The following ZNF676 variants were observed in gnomAD, a reference collection of about 807,000 sequenced individuals.
ZNF676 encodes the protein zinc finger protein 676.
In ZNF676, 4 loss-of-function variants were observed where a neutral mutation model predicts 6.0. The observed-to-expected ratio is 0.67, with a 90% CI of 0.33 to 1.53. The LOEUF is 1.53. Ranked by LOEUF, ZNF676 falls within the 40% of genes most tolerant of loss-of-function variation. The probability of loss-of-function intolerance (pLI) is 0.06; values close to 1 mark genes in which losing one functional copy is unlikely to be tolerated. For synonymous variants in ZNF676, 198 were observed against 223.1 expected (o/e 0.89, Z 1.00); for missense variants, 644 against 679.7 (o/e 0.95, Z 0.58).
chr19:22,218,455 C>G (rs2144848737), upstream of ZNF676, among the ~76,000 whole-genome samples: 1 of 152,100 alleles, frequency 6.6e-6, no homozygotes, highest in Middle Eastern at 3.4e-3. Flanking sequence ...GCCTCAGCCT[C>G]CCAAGTAGCT....
Position 22,181,504 on chromosome 19 carries a change from A to G in ZNF676, c.213T>C (p.Tyr71=). ...DSFQKMILRR[Y]DKCGHENLHL... ...GTAAATTCTCATGTCCACATTTGTC[A>G]TATCTTCTCAATATCATTTTTTGGA... is the stretch of plus-strand genomic sequence containing the variant. Residue 71 remains tyrosine, a synonymous_variant, in exon 3 of 3, where the codon TAT becomes TAC. Transcript: ENST00000397121. 1.9e-6 allele frequency: 3 copies of G among 1,613,118 alleles called. No individual in the cohort carries two copies. Among genetic ancestry groups the G allele is most frequent in the Admixed American group, 1.7e-5 (1 of 59,864 alleles).
intron 1 of ZNF676, among the ~76,000 whole-genome samples, chr19:22,208,209 T>C (rs1213932031): frequency 6.7e-6 from 1 of 150,186 alleles, no homozygotes; most frequent in Non-Finnish European, 1.5e-5. Flanking sequence ...CTGACAAAGG[T>C]TTACTATCCA....
upstream of ZNF676, among the ~76,000 whole-genome samples, chr19:22,201,484 G>A (rs1050016577): frequency 1.3e-5 from 2 of 152,114 alleles, no homozygotes; most frequent in African/African-American, 4.8e-5. Context: ...AATTCTAGGT[G>A]AAATCAACCT....
intron 2 of ZNF676, among the ~76,000 whole-genome samples, chr19:22,190,647 A>ATACATAGAATTCTATG (rs2023892203): frequency 2.8e-5 from 3 of 107,154 alleles, no homozygotes; most frequent in East Asian, 3.0e-4. Flanking sequence ...ATATATATAT[A>ATACATAGAATTCTATG]TATATATATA....
At chr19:22,208,666 T>C (rs1337993033) in intron 1 of ZNF676, among the ~76,000 whole-genome samples, 1 of 152,158 alleles carries the variant, frequency 6.6e-6, no homozygotes, top group Non-Finnish European at 1.5e-5. Context: ...TACGGTATGG[T>C]TGGGCATGAT....
chr19:22,214,075 T>TA (rs2024159272), intron 1 of ZNF676, among the ~76,000 whole-genome samples: 1 of 152,076 alleles, frequency 6.6e-6, no homozygotes, highest in African/African-American at 2.4e-5. Flanking sequence ...AAAGGACAAA[T>TA]AGTTGATCAT....
At chr19:22,220,128 T>A (rs2024232668), upstream of ZNF676, among the ~76,000 whole-genome samples, 1 of 152,236 alleles carries the variant, frequency 6.6e-6, no homozygotes, top group Non-Finnish European at 1.5e-5. Context: ...ATGTATTGAC[T>A]TACCTATGTT....
the ZNF676 span, among the ~76,000 whole-genome samples, chr19:22,226,252 T>C: frequency 6.6e-6 from 1 of 152,170 alleles, no homozygotes; most frequent in Non-Finnish European, 1.5e-5. Flanking sequence ...GGCTCTCTAT[T>C]CTGATTTATC....
chr19:22,181,766 T>C (rs534075995), intron 2 of ZNF676, among the ~76,000 whole-genome samples, 180 bp from the exon 3 acceptor site: 3 of 152,214 alleles, frequency 2.0e-5, no homozygotes, highest in South Asian at 4.1e-4. Flanking sequence ...AAAATACATA[T>C]GTGAATAATT....
At chr19:22,203,055 G>C (rs2024041586) in intron 1 of ZNF676, 3 of 152,192 alleles carry the variant, frequency 2.0e-5, no homozygotes, top group Admixed American at 2.0e-4. Flanking sequence ...ACAGCCCACA[G>C]CACAGGGCTC....
chr19:22,242,498 A>G, the ZNF676 span, among the ~76,000 whole-genome samples: 1 of 151,968 alleles, frequency 6.6e-6, no homozygotes, highest in Non-Finnish European at 1.5e-5. Context: ...GGCCACAGGT[A>G]GAAATCGCCA....
chr19:22,252,875 T>C, the ZNF676 span, among the ~76,000 whole-genome samples: 1 of 152,192 alleles, frequency 6.6e-6, no homozygotes, highest in Non-Finnish European at 1.5e-5. Flanking sequence ...GAGCATAAAA[T>C]TGCTCAAGTG....
chr19:22,235,551 G>C, the ZNF676 span, among the ~76,000 whole-genome samples: 1 of 152,116 alleles, frequency 6.6e-6, no homozygotes, highest in Admixed American at 6.5e-5. Flanking sequence ...CTGGACCCCT[G>C]GAAATTTTAC....
upstream of ZNF676, among the ~76,000 whole-genome samples, chr19:22,218,871 T>C (rs942600234): frequency 6.6e-6 from 1 of 152,156 alleles, no homozygotes; most frequent in Non-Finnish European, 1.5e-5. Flanking sequence ...AACCTTGTAG[T>C]ATAGTTTGAA....
At chr19:22,198,185 G>A (rs2023990172), upstream of ZNF676, among the ~76,000 whole-genome samples, 1 of 151,550 alleles carries the variant, frequency 6.6e-6, no homozygotes, top group Non-Finnish European at 1.5e-5. Flanking sequence ...AAAAACCCCA[G>A]GTTTTCCCCA....
Position 22,179,645 on chromosome 19 carries a change from T to A in ZNF676, c.*305A>T, listed in dbSNP as rs988031988. ...GCTTTTCCTCCAGTATGAATTCTTT[T>A]ATGAGTAGTAAGGTGTGAGGAACAG... On this transcript the variant is annotated 3_prime_UTR_variant, in exon 3 of 3. Transcript: ENST00000397121. The A allele has an allele frequency of 3.0e-5, 17 of 567,050 alleles. No individual in the cohort carries two copies. Among genetic ancestry groups the A allele is most frequent in the Non-Finnish European group, 2.3e-5 (7 of 308,558 alleles). The allele number at this position is 567,050 out of a possible 1,614,324, so 35.1% of individuals were successfully genotyped here.
intron 1 of ZNF676, among the ~76,000 whole-genome samples, chr19:22,214,578 G>A (rs1245812661): frequency 2.3e-5 from 3 of 131,304 alleles, no homozygotes; most frequent in East Asian, 2.2e-4. Flanking sequence ...CAGCCTGGGC[G>A]ACAAAGTGAG....
intron 2 of ZNF676, among the ~76,000 whole-genome samples, chr19:22,189,688 A>C (rs569583268): frequency 6.6e-6 from 1 of 152,260 alleles, no homozygotes; most frequent in South Asian, 2.1e-4. Flanking sequence ...AAAAACAAAC[A>C]ACCCCATCAA....
chr19:22,238,285 C>T, the ZNF676 span, among the ~76,000 whole-genome samples: 1 of 152,104 alleles, frequency 6.6e-6, no homozygotes, highest in Non-Finnish European at 1.5e-5. Flanking sequence ...CTCCTGAACT[C>T]GTGATCCACC....
Sources: gnomAD v4.1 joint callset for allele counts (sites outside exome capture counted in the v4.1 genomes callset) on GRCh38, gnomAD v4.1.1 for gene constraint, MANE v1.5 for transcripts, NCBI Gene and HGNC (gene_info 2026-07-23, HGNC 2026-07-21) for gene names.